SRGAP2: variants seen among roughly 807,000 people sequenced by gnomAD.
The protein encoded by SRGAP2 is SLIT-ROBO Rho GTPase activating protein 2.
In SRGAP2, 15 loss-of-function variants were observed where a neutral mutation model predicts 57.2. That is an observed-to-expected ratio of 0.26 (90% CI 0.18 to 0.40). The LOEUF (loss-of-function observed/expected upper bound fraction) is 0.40. Among genes scored for constraint, SRGAP2 ranks in the 10% least tolerant of loss-of-function variants. The pLI, the probability that SRGAP2 is intolerant of heterozygous loss-of-function variation, is 1.00. For synonymous variants in SRGAP2, 249 were observed against 248.0 expected (o/e 1.00, Z -0.04); for missense variants, 520 against 669.6 (o/e 0.78, Z 2.47).
chr1:206,346,774 A>G (rs1675662355), intron 4 of SRGAP2, among the ~76,000 whole-genome samples: 1 of 152,244 alleles, frequency 6.6e-6, no homozygotes, highest in African/African-American at 2.4e-5. Context: ...ATAAAACTTA[A>G]TGATTCACTG....
intron 2 of SRGAP2, among the ~76,000 whole-genome samples, chr1:206,293,300 AGC>A (rs1671428636): frequency 8.8e-6 from 1 of 113,466 alleles, no homozygotes; most frequent in Non-Finnish European, 1.8e-5. Flanking sequence ...GAGTTTACAG[AGC>A]CCTTTAGAAC....
At chr1:206,398,914 T>G (rs1382394954) in intron 7 of SRGAP2, among the ~76,000 whole-genome samples, 42 of 151,978 alleles carry the variant, frequency 2.8e-4, no homozygotes, top group Non-Finnish European at 4.4e-5. Context: ...TAGGAAACAT[T>G]TAAGGAAAAG....
At chr1:206,226,793 C>T (rs116251792) in intron 2 of SRGAP2, among the ~76,000 whole-genome samples, 1,768 of 152,246 alleles carry the variant, frequency 0.012, 36 homozygotes, top group African/African-American at 0.04. Context: ...CTGGGCCATA[C>T]GTGAAATGAC....
At chr1:206,452,985 G>A (rs533859813) in intron 19 of SRGAP2, among the ~76,000 whole-genome samples, 1 of 151,736 alleles carries the variant, frequency 6.6e-6, no homozygotes, top group East Asian at 1.9e-4. Flanking sequence ...GGAGGGAACA[G>A]TGTGAGCAAA....
intron 2 of SRGAP2, among the ~76,000 whole-genome samples, chr1:206,275,862 G>A (rs1358362004): frequency 1.6e-4 from 24 of 151,966 alleles, no homozygotes; most frequent in Admixed American, 1.3e-3. Context: ...TGATCCACCC[G>A]CCTGGGCCTC....
In SRGAP2 at chr1:206,416,661, G is replaced by A. The variant is rs568168405; in HGVS notation, c.1441+688G>A. On this transcript the variant is annotated intron_variant, in intron 11 of 22. Coordinates refer to ENST00000573034, the MANE Select transcript of SRGAP2 (RefSeq NM_015326.5). The stretch of plus-strand genomic sequence containing the variant: ...CAAACAGAAGGTGGAGGTTGAAAGA[G>A]AAGCTTCCCCAGGGTTTTTTGGCAC... Among the ~76,000 whole-genome samples the A allele has an allele frequency of 7.5e-4, 114 of 152,314 alleles. 2 individuals are homozygous for A. The highest frequency in any genetic ancestry group is 6.4e-3 in the Admixed American group (98 of 15,294).
chr1:206,267,263 C>T lies in SRGAP2; in HGVS notation c.68-36018C>T, dbSNP rs139016746. 6.4e-3 allele frequency among the ~76,000 whole-genome samples: 977 copies of T among 152,294 alleles called. 11 individuals carry two copies. The highest frequency in any genetic ancestry group is 0.022 in the African/African-American group (927 of 41,550). On this transcript the variant is annotated intron_variant, in intron 2 of 22. Coordinates refer to ENST00000573034, the MANE Select transcript of SRGAP2 (RefSeq NM_015326.5). ...GATTACAGGCATGAGCCACCACGCC[C>T]GGCCACTTTCAAACATTCATGGCGC... is the stretch of plus-strand genomic sequence containing the variant.
chr1:206,454,745 G>C lies in SRGAP2; in HGVS notation c.2361-133G>C. ...TGCCTCTGCTCACAGAACTAGTCCA[G>C]CCAGGTGTCGCTGCTGCCTCAGAGC... is the stretch of plus-strand genomic sequence containing the variant. On this transcript the variant is annotated intron_variant, in intron 20 of 22. Transcript: ENST00000573034. The surrounding 1 kb of genome is among the most constrained non-coding windows in gnomAD (Gnocchi z 4.3). 1.6e-6 allele frequency: 1 copy of C among 607,220 alleles called. No homozygotes were observed. The highest frequency in any genetic ancestry group is 2.9e-6 in the Non-Finnish European group (1 of 340,300). 37.6% of individuals were successfully genotyped at this position (607,220 alleles called of 1,614,324 possible).
At chr1:206,334,315 AAG>A (rs1473240420) in intron 3 of SRGAP2, among the ~76,000 whole-genome samples, 1 of 149,794 alleles carries the variant, frequency 6.7e-6, no homozygotes, top group African/African-American at 2.5e-5. Context: ...CCCACACAAA[AAG>A]AGACTTCCTT....
chr1:206,360,010 T>G (rs1268150003), intron 4 of SRGAP2, among the ~76,000 whole-genome samples: 7 of 151,160 alleles, frequency 4.6e-5, no homozygotes, highest in African/African-American at 1.2e-4. Context: ...GTTTCACCGT[T>G]TTAGCCAGGA....
intron 3 of SRGAP2, among the ~76,000 whole-genome samples, chr1:206,316,015 GC>G (rs1673045963): frequency 1.4e-5 from 2 of 138,920 alleles, no homozygotes; most frequent in African/African-American, 5.9e-5. Context: ...GTTAAGATCA[GC>G]CACAGAAGAG....
intron 20 of SRGAP2, 116 bp downstream of exon 20, chr1:206,453,496 A>T: frequency 2.2e-6 from 1 of 446,510 alleles, no homozygotes; most frequent in East Asian, 3.6e-5. Context: ...GGTCCAGTGC[A>T]GTCCTGAGGC....
At chr1:206,298,709 C>G (rs1358330540) in intron 2 of SRGAP2, among the ~76,000 whole-genome samples, 1 of 152,108 alleles carries the variant, frequency 6.6e-6, no homozygotes, top group African/African-American at 2.4e-5. Flanking sequence ...GTTCCTCTTG[C>G]AAGGGAAGCT....
intron 2 of SRGAP2, chr1:206,207,960 A>T: frequency 3.0e-5 from 1 of 33,148 alleles, no homozygotes; most frequent in Non-Finnish European, 6.0e-5. Context: ...TTGCTCTGAT[A>T]TTTTCCCATT....
intron 4 of SRGAP2, among the ~76,000 whole-genome samples, chr1:206,363,002 T>C (rs1677022706): frequency 6.7e-6 from 1 of 148,158 alleles, no homozygotes; most frequent in East Asian, 2.0e-4. Flanking sequence ...GAGGGAAATA[T>C]GAGGTGAGGT....
intron 16 of SRGAP2, among the ~76,000 whole-genome samples, chr1:206,438,890 C>T (rs1320869667): frequency 3.3e-5 from 5 of 152,208 alleles, no homozygotes; most frequent in African/African-American, 1.2e-4. Flanking sequence ...AGTATCTGCC[C>T]TGAGTACTTG....
rs1196400908 is a variant in SRGAP2, at chr1:206,213,600, G to C, written c.67+7563G>C. Among the ~76,000 whole-genome samples, 5 of 151,740 alleles carry C rather than the reference G, an allele frequency of 3.3e-5. No individual in the cohort carries two copies. In the East Asian group the frequency reaches 7.8e-4, roughly 24 times the overall value. On this transcript the variant is annotated intron_variant, in intron 2 of 22. Coordinates refer to ENST00000573034, the MANE Select transcript of SRGAP2 (RefSeq NM_015326.5). ...AAAAATCATGGCCATGTTAGGAGTG[G>C]ACAAATGACAGTGTCTGTTTCCATA... is the stretch of plus-strand genomic sequence containing the variant.
At chr1:206,444,638 G>T (rs577806310) in intron 17 of SRGAP2, among the ~76,000 whole-genome samples, 4 of 152,290 alleles carry the variant, frequency 2.6e-5, no homozygotes, top group African/African-American at 9.6e-5. Context: ...TTGCTCTGAG[G>T]TTACCAAGGT....
At chr1:206,253,286 T>C (rs1258391546) in intron 2 of SRGAP2, among the ~76,000 whole-genome samples, 1 of 151,188 alleles carries the variant, frequency 6.6e-6, no homozygotes, top group African/African-American at 2.4e-5. Flanking sequence ...GATAAAGTAG[T>C]CTGTACTACA....
Sources: gnomAD v4.1 joint callset for allele counts (sites outside exome capture counted in the v4.1 genomes callset) on GRCh38, gnomAD v4.1.1 for gene constraint, Gnocchi (gnomAD v3.1) non-coding constraint, MANE v1.5 for transcripts, NCBI Gene and HGNC (gene_info 2026-07-23, HGNC 2026-07-21) for gene names.